Variants in RAB38 observed in about 807,000 individuals in gnomAD.
RAB38 encodes RAB38, member RAS oncogene family.
RAB38 carries 15 observed loss-of-function variants against 18.4 expected under a neutral mutation model. The observed-to-expected ratio is 0.82, with a 90% CI of 0.55 to 1.26. RAB38 has a LOEUF of 1.26. RAB38 is among the 50% of genes most tolerant of loss of function. RAB38 has a pLI of 0.00. For missense variants in RAB38, 294 were observed against 267.4 expected (o/e 1.10, Z -0.69); for synonymous variants, 101 against 104.4 (o/e 0.97, Z 0.20).
the RAB38 span, among the ~76,000 whole-genome samples, chr11:88,108,232 C>A: frequency 6.6e-6 from 1 of 152,032 alleles, no homozygotes; most frequent in East Asian, 1.9e-4. Context: ...TAAAGTCTCC[C>A]ACTCTTATTG....
the RAB38 span, among the ~76,000 whole-genome samples, chr11:88,031,151 A>G: frequency 1.9e-3 from 286 of 152,296 alleles, 1 homozygote; most frequent in Middle Eastern, 3.4e-3. Flanking sequence ...CAATAGATGC[A>G]GAAAAGGCCT....
chr11:88,091,346 A>G, the RAB38 span, among the ~76,000 whole-genome samples: 1 of 152,040 alleles, frequency 6.6e-6, no homozygotes, highest in Admixed American at 6.6e-5. Flanking sequence ...GGATTGACAG[A>G]TCTCACATGA....
the RAB38 span, among the ~76,000 whole-genome samples, chr11:87,805,120 T>C: frequency 6.6e-6 from 1 of 152,302 alleles, no homozygotes; most frequent in East Asian, 1.9e-4. Flanking sequence ...ACTTTTCACT[T>C]TCTGCCTAAA....
the RAB38 span, among the ~76,000 whole-genome samples, chr11:87,955,928 T>C: frequency 2.0e-5 from 3 of 151,852 alleles, no homozygotes; most frequent in African/African-American, 7.3e-5. Flanking sequence ...TAGAAAATAT[T>C]GTATTTTCTC....
chr11:87,960,382 A>C, the RAB38 span, among the ~76,000 whole-genome samples: 5 of 149,736 alleles, frequency 3.3e-5, no homozygotes, highest in Admixed American at 2.7e-4. Context: ...AAGACAACAA[A>C]AAAAAGAAAA....
the RAB38 span, among the ~76,000 whole-genome samples, chr11:87,848,638 G>A: frequency 6.6e-6 from 1 of 152,070 alleles, no homozygotes; most frequent in African/African-American, 2.4e-5. Flanking sequence ...TCTTTCTTCT[G>A]TATTCTAGTA....
the RAB38 span, among the ~76,000 whole-genome samples, chr11:88,056,799 G>A: frequency 5.0e-3 from 698 of 139,192 alleles, 3 homozygotes; most frequent in African/African-American, 0.018. Flanking sequence ...GCGAGACTCC[G>A]TCTCAATAAA....
At chr11:88,079,684 A>G in the RAB38 span, among the ~76,000 whole-genome samples, 2 of 151,884 alleles carry the variant, frequency 1.3e-5, no homozygotes, top group Admixed American at 6.6e-5. Flanking sequence ...AATATAAAAA[A>G]TGTAATACAT....
chr11:87,822,687 C>T, the RAB38 span, among the ~76,000 whole-genome samples: 1 of 152,172 alleles, frequency 6.6e-6, no homozygotes, highest in Non-Finnish European at 1.5e-5. Flanking sequence ...CTTTTTATAA[C>T]CTAATCACTT....
At chr11:87,814,709 CATTTA>C in the RAB38 span, among the ~76,000 whole-genome samples, 4 of 151,680 alleles carry the variant, frequency 2.6e-5, no homozygotes, top group Non-Finnish European at 5.9e-5. Context: ...AGGGCAGTTT[CATTTA>C]AGTAGCTTAT....
chr11:87,954,487 T>G, the RAB38 span, among the ~76,000 whole-genome samples: 2 of 152,074 alleles, frequency 1.3e-5, no homozygotes, highest in East Asian at 3.9e-4. Context: ...AAAGATTTTC[T>G]ACATATTCAA....
At chr11:88,112,107 G>A (rs972726214), downstream of RAB38, among the ~76,000 whole-genome samples, 3 of 152,108 alleles carry the variant, frequency 2.0e-5, no homozygotes, top group African/African-American at 7.2e-5. Flanking sequence ...TCTATTATCC[G>A]GCCTTATCGC....
chr11:87,957,504 G>T, the RAB38 span, among the ~76,000 whole-genome samples: 1 of 152,172 alleles, frequency 6.6e-6, no homozygotes, highest in Non-Finnish European at 1.5e-5. Flanking sequence ...GAAAAGTTGT[G>T]AAGAAGCATG....
At chr11:88,108,075 G>A in the RAB38 span, among the ~76,000 whole-genome samples, 1 of 152,184 alleles carries the variant, frequency 6.6e-6, no homozygotes, top group Non-Finnish European at 1.5e-5. Flanking sequence ...GCAACGTGGT[G>A]CTAAGAAGAA....
the RAB38 span, among the ~76,000 whole-genome samples, chr11:87,863,666 A>G: frequency 2.6e-5 from 4 of 151,746 alleles, no homozygotes; most frequent in African/African-American, 7.2e-5. Flanking sequence ...TTTATCATTC[A>G]TTGCTTGATA....
chr11:88,083,927 T>A, the RAB38 span, among the ~76,000 whole-genome samples: 3 of 151,980 alleles, frequency 2.0e-5, no homozygotes, highest in Non-Finnish European at 4.4e-5. Context: ...TGTTATGGCA[T>A]CACAAATGAA....
At chr11:87,861,229 A>G in the RAB38 span, among the ~76,000 whole-genome samples, 10 of 152,056 alleles carry the variant, frequency 6.6e-5, no homozygotes, top group East Asian at 1.4e-3. Flanking sequence ...AGCACAAACA[A>G]TAGCCAACAC....
At chr11:88,116,370 T>C (rs1339991548) in intron 2 of RAB38, among the ~76,000 whole-genome samples, 1 of 152,246 alleles carries the variant, frequency 6.6e-6, no homozygotes, top group East Asian at 1.9e-4. Flanking sequence ...TGGCCATTAA[T>C]AAGCCAATAC....
At chr11:87,903,531 A>G in the RAB38 span, among the ~76,000 whole-genome samples, 1 of 151,538 alleles carries the variant, frequency 6.6e-6, no homozygotes, top group East Asian at 1.9e-4. Context: ...TTTGTATTGT[A>G]AATGTTTTGT....
Sources: allele counts gnomAD v4.1 joint callset (sites outside exome capture counted in the v4.1 genomes callset), GRCh38; gene constraint gnomAD v4.1.1; transcripts MANE v1.5; gene names NCBI Gene and HGNC (gene_info 2026-07-23, HGNC 2026-07-21).